EIF4G3: variants seen among roughly 807,000 people sequenced by gnomAD.
EIF4G3 encodes the protein eukaryotic translation initiation factor 4 gamma 3.
Under a neutral mutation model 186.4 loss-of-function variants are expected in EIF4G3, and 34 were observed. The ratio of observed to expected loss-of-function variants is 0.18; its 90% confidence interval spans 0.14 to 0.24. The LOEUF is 0.24. Among genes scored for constraint, EIF4G3 ranks in the 10% least tolerant of loss-of-function variants. The pLI, the probability that EIF4G3 is intolerant of heterozygous loss-of-function variation, is 1.00. For missense variants in EIF4G3, 1,536 were observed against 1,948.5 expected, an observed-to-expected ratio of 0.79 and a Z score of 3.99; for synonymous variants, 673 against 679.5, an observed-to-expected ratio of 0.99 and a Z score of 0.15.
chr1:21,063,250 A>T (rs1464052632), intron 3 of EIF4G3, among the ~76,000 whole-genome samples: 1 of 152,086 alleles, frequency 6.6e-6, no homozygotes, highest in East Asian at 1.9e-4. Flanking sequence ...ACTGCTGAAA[A>T]ATCAAAAGTA....
chr1:20,956,352 T>C (rs936348757), intron 12 of EIF4G3, among the ~76,000 whole-genome samples: 1 of 152,164 alleles, frequency 6.6e-6, no homozygotes, highest in Non-Finnish European at 1.5e-5. Context: ...ATATGATTTA[T>C]GTTTTAAAAA....
intron 3 of EIF4G3, among the ~76,000 whole-genome samples, chr1:21,083,111 T>C (rs1409208857): frequency 1.4e-5 from 2 of 148,082 alleles, no homozygotes; most frequent in Non-Finnish European, 3.0e-5. Context: ...CTTGTGCCTG[T>C]AATCCTAGTT....
At chr1:21,163,552 A>G (rs10127757) in intron 2 of EIF4G3, among the ~76,000 whole-genome samples, 48,824 of 152,096 alleles carry the variant, frequency 0.32, 8,790 homozygotes, top group Non-Finnish European at 0.41. Flanking sequence ...AAGCAGATAC[A>G]ATCTTACAAA....
At chr1:20,824,784 C>A (rs1422829037) in intron 33 of EIF4G3, among the ~76,000 whole-genome samples, 1 of 152,204 alleles carries the variant, frequency 6.6e-6, no homozygotes, top group South Asian at 2.1e-4. Flanking sequence ...CTGCTTCTGG[C>A]CTGCCATCAG....
intron 6 of EIF4G3, among the ~76,000 whole-genome samples, chr1:20,998,250 A>C (rs1002247935): frequency 1.8e-5 from 2 of 113,520 alleles, no homozygotes; most frequent in African/African-American, 3.4e-5. Context: ...CACACACACA[A>C]GTTTAAGTTT....
intron 2 of EIF4G3, among the ~76,000 whole-genome samples, chr1:21,099,315 A>T (rs2096463211): frequency 6.6e-6 from 1 of 152,224 alleles, no homozygotes; most frequent in South Asian, 2.1e-4. Flanking sequence ...CCTGAACACA[A>T]ATGCTTGCAG....
chr1:20,970,685 CG>C (rs1450816534), intron 11 of EIF4G3, among the ~76,000 whole-genome samples: 2 of 151,844 alleles, frequency 1.3e-5, no homozygotes, highest in Non-Finnish European at 2.9e-5. Flanking sequence ...CAGATCTGGC[CG>C]GGCGCAGTGG....
rs368390891 is a variant in EIF4G3, at chr1:21,018,832, T to C, written c.-66-16024A>G. ...CCTCCCCCTCACCTTTTGCCATGAG[T>C]AGAAGCTTCCTGAGGCCCTTATCTG... On this transcript the variant is annotated intron_variant, in intron 4 of 36. Transcript: ENST00000602326. 2.0e-5 allele frequency among the ~76,000 whole-genome samples: 3 copies of C among 151,996 alleles called. No homozygotes were observed. The East Asian group carries it at 5.8e-4, about 29-fold the overall frequency.
At chr1:20,855,915 G>A (rs2074764984) in intron 25 of EIF4G3, among the ~76,000 whole-genome samples, 1 of 152,126 alleles carries the variant, frequency 6.6e-6, no homozygotes, top group African/African-American at 2.4e-5. Context: ...TAGTAATGTT[G>A]GAGGTTTGAT....
intron 4 of EIF4G3, among the ~76,000 whole-genome samples, chr1:21,025,696 G>A (rs2091978760): frequency 1.3e-5 from 2 of 151,926 alleles, no homozygotes; most frequent in African/African-American, 2.4e-5. Context: ...TTCTCTCAAG[G>A]CTTCTGCAAT....
chr1:20,865,546 T>C (rs547952666), intron 20 of EIF4G3, among the ~76,000 whole-genome samples: 32 of 152,048 alleles, frequency 2.1e-4, no homozygotes, highest in South Asian at 1.7e-3. Context: ...ACTCTGAACT[T>C]ATCTAGACCT....
chr1:21,005,240 T>C (rs902300855), intron 4 of EIF4G3, among the ~76,000 whole-genome samples: 1 of 152,146 alleles, frequency 6.6e-6, no homozygotes, highest in African/African-American at 2.4e-5. Context: ...AATCTGAATA[T>C]AGTTTTAAAA....
chr1:21,073,727 T>A (rs868147514), intron 3 of EIF4G3: 31 of 492,962 alleles, frequency 6.3e-5, no homozygotes, highest in Non-Finnish European at 8.5e-5. Context: ...TGTTAGAGAC[T>A]GTATTGTAGG....
intron 15 of EIF4G3, among the ~76,000 whole-genome samples, chr1:20,901,532 T>C (rs2090288366): frequency 6.6e-6 from 1 of 152,152 alleles, no homozygotes. Flanking sequence ...TCCTCTTCTC[T>C]GTACCTACAA....
intron 2 of EIF4G3, among the ~76,000 whole-genome samples, chr1:21,090,068 A>G (rs971438558): frequency 3.3e-5 from 5 of 152,210 alleles, no homozygotes; most frequent in African/African-American, 9.7e-5. Flanking sequence ...GATTTTTCAT[A>G]ACCCATGATT....
At chr1:20,951,020 C>G in intron 12 of EIF4G3, among the ~76,000 whole-genome samples, 1 of 151,978 alleles carries the variant, frequency 6.6e-6, no homozygotes, top group Non-Finnish European at 1.5e-5. Flanking sequence ...ACAACGAATT[C>G]TATCAGTGCT....
At chr1:21,114,104 T>C (rs1216485331) in intron 2 of EIF4G3, among the ~76,000 whole-genome samples, 1 of 152,156 alleles carries the variant, frequency 6.6e-6, no homozygotes, top group Non-Finnish European at 1.5e-5. Context: ...TTCATGGTGG[T>C]GGATACAACT....
At chr1:20,869,045 C>A (rs1359809308) in intron 20 of EIF4G3, among the ~76,000 whole-genome samples, 1 of 152,118 alleles carries the variant, frequency 6.6e-6, no homozygotes, top group Non-Finnish European at 1.5e-5. Flanking sequence ...CAAGGGTTGT[C>A]AGCAGTGTAG....
chr1:21,093,839 C>G lies in EIF4G3; in HGVS notation c.-271-4626G>C, dbSNP rs1260723977. 1.2e-4 allele frequency among the ~76,000 whole-genome samples: 18 copies of G among 152,072 alleles called. No homozygotes were observed. The South Asian group carries it at 3.7e-3, about 32-fold the overall frequency. On this transcript the variant is annotated intron_variant, in intron 2 of 36. Coordinates refer to ENST00000602326, the MANE Select transcript of EIF4G3 (RefSeq NM_001391906.1). ...TGAAGCTGGAAACCATCATTCTCAGCAAACTATCACAAGGACAAAAAACCA... is the reference window on the plus strand; with the variant it reads ...TGAAGCTGGAAACCATCATTCTCAGGAAACTATCACAAGGACAAAAAACCA...
Sources: allele counts gnomAD v4.1 joint callset (sites outside exome capture counted in the v4.1 genomes callset), GRCh38; gene constraint gnomAD v4.1.1; transcripts MANE v1.5; gene names NCBI Gene and HGNC (gene_info 2026-07-23, HGNC 2026-07-21).